DGKB: variants seen among roughly 807,000 people sequenced by gnomAD.
DGKB encodes the protein diacylglycerol kinase beta, also known as 90 kDa diacylglycerol kinase.
In DGKB, 67 loss-of-function variants were observed where a neutral mutation model predicts 114.3. The observed-to-expected ratio is 0.59, with a 90% CI of 0.48 to 0.72. The LOEUF is 0.72. Among genes scored for constraint, DGKB ranks in the 30% least tolerant of loss-of-function variants. DGKB has a pLI of 0.00. For missense variants in DGKB, 907 were observed against 975.2 expected, an observed-to-expected ratio of 0.93 and a Z score of 0.93; for synonymous variants, 398 against 323.1, an observed-to-expected ratio of 1.23 and a Z score of -2.49.
chr7:14,215,639 G>A (rs962235742), intron 23 of DGKB, among the ~76,000 whole-genome samples: 1 of 152,028 alleles, frequency 6.6e-6, no homozygotes, highest in African/African-American at 2.4e-5. Context: ...TTGCCGATGA[G>A]GAAACCGAGA....
At chr7:14,315,921 A>G (rs1198482490) in intron 23 of DGKB, among the ~76,000 whole-genome samples, 3 of 148,752 alleles carry the variant, frequency 2.0e-5, no homozygotes, top group African/African-American at 5.0e-5. Context: ...AACAGAAATT[A>G]TAACAAACTG....
intron 6 of DGKB, among the ~76,000 whole-genome samples, chr7:14,705,275 A>T (rs1294546715): frequency 6.6e-6 from 1 of 150,804 alleles, no homozygotes; most frequent in Non-Finnish European, 1.5e-5. Context: ...AGAAAAAAGA[A>T]TAAAAAGAAA....
At chr7:14,675,642 G>A (rs1031831577) in intron 12 of DGKB, among the ~76,000 whole-genome samples, 3 of 151,596 alleles carry the variant, frequency 2.0e-5, no homozygotes, top group Admixed American at 1.3e-4. Flanking sequence ...TTTGATTGCC[G>A]CTGTGGTCCT....
At chr7:14,525,736 T>C (rs1294318187) in intron 20 of DGKB, among the ~76,000 whole-genome samples, 1 of 152,130 alleles carries the variant, frequency 6.6e-6, no homozygotes, top group African/African-American at 2.4e-5. Flanking sequence ...AAAGTAAAAG[T>C]TTTATTTGTG....
At chr7:14,848,306 T>C (rs935431649) in intron 1 of DGKB, among the ~76,000 whole-genome samples, 5 of 152,210 alleles carry the variant, frequency 3.3e-5, no homozygotes, top group African/African-American at 1.2e-4. Flanking sequence ...ATGACTCCTG[T>C]ATTTTGGCTT....
intron 23 of DGKB, among the ~76,000 whole-genome samples, chr7:14,206,153 T>G (rs1048633412): frequency 6.6e-6 from 1 of 152,054 alleles, no homozygotes; most frequent in South Asian, 2.1e-4. Flanking sequence ...CAGTCTATAC[T>G]AAGAAAGACT....
chr7:14,262,861 T>C (rs530948946), intron 23 of DGKB, among the ~76,000 whole-genome samples: 1 of 152,184 alleles, frequency 6.6e-6, no homozygotes, highest in East Asian at 1.9e-4. Flanking sequence ...ACAAGGGTCA[T>C]TGCCCAGGGA....
intron 21 of DGKB, among the ~76,000 whole-genome samples, chr7:14,376,083 G>C (rs1818439134): frequency 6.6e-6 from 1 of 152,298 alleles, no homozygotes; most frequent in South Asian, 2.1e-4. Flanking sequence ...AAAGAGACTA[G>C]AAGTGACTCT....
intron 17 of DGKB, among the ~76,000 whole-genome samples, chr7:14,601,367 G>T (rs1023290095): frequency 4.6e-5 from 7 of 151,422 alleles, no homozygotes; most frequent in African/African-American, 1.7e-4. Context: ...CAGCCTTGAA[G>T]ATCTCTGAAA....
chr7:14,275,835 T>C (rs989363623), intron 23 of DGKB, among the ~76,000 whole-genome samples: 66 of 152,338 alleles, frequency 4.3e-4, no homozygotes, highest in African/African-American at 1.5e-3. Context: ...AGGCCAAATT[T>C]TGGCACAATG....
chr7:14,434,318 G>T lies in DGKB; in HGVS notation c.1835+43843C>A, dbSNP rs73280322. Among the ~76,000 whole-genome samples, 257 of 152,218 alleles carry T rather than the reference G, an allele frequency of 1.7e-3. 1 individual carries two copies. The highest frequency in any genetic ancestry group is 5.7e-3 in the African/African-American group (238 of 41,548). On this transcript the variant is annotated intron_variant, in intron 21 of 25. Transcript: ENST00000402815. The stretch of plus-strand genomic sequence containing the variant: ...TAAATATGTTTCCCTATATAGTAAA[G>T]TGGGCTTTGAAGATGCGATTAAATT...
chr7:14,681,234 G>A (rs1044001913), intron 12 of DGKB, among the ~76,000 whole-genome samples: 3 of 151,976 alleles, frequency 2.0e-5, no homozygotes, highest in African/African-American at 7.2e-5. Context: ...ATCATCGTTA[G>A]ACATTTTATT....
intron 25 of DGKB, 34 bp from the exon 26 acceptor site, chr7:14,149,272 A>ATT: frequency 6.7e-7 from 1 of 1,488,828 alleles, no homozygotes; most frequent in South Asian, 1.1e-5. Context: ...GAGAGAAAGA[A>ATT]TAGAGTAATC....
chr7:14,663,142 G>C (rs1364841133), intron 13 of DGKB, among the ~76,000 whole-genome samples: 2 of 151,988 alleles, frequency 1.3e-5, no homozygotes, highest in East Asian at 3.9e-4. Flanking sequence ...TATACTGCCA[G>C]AGTTCTAAGG....
chr7:14,872,166 T>C (rs1188053160), intron 1 of DGKB, among the ~76,000 whole-genome samples: 4 of 152,218 alleles, frequency 2.6e-5, no homozygotes, highest in Non-Finnish European at 4.4e-5. Flanking sequence ...CATATATTAA[T>C]CTGTTCATAT....
At chr7:14,159,295 G>A (rs1277178648) in intron 25 of DGKB, among the ~76,000 whole-genome samples, 1 of 151,824 alleles carries the variant, frequency 6.6e-6, no homozygotes, top group African/African-American at 2.4e-5. Flanking sequence ...CTCTCTTTGG[G>A]GCCTAGTTAT....
intron 20 of DGKB, among the ~76,000 whole-genome samples, chr7:14,536,931 C>T (rs986221890): frequency 2.0e-5 from 3 of 151,514 alleles, no homozygotes; most frequent in Admixed American, 6.6e-5. Flanking sequence ...ACTGTAAAAA[C>T]CTCAAAACTG....
intron 21 of DGKB, among the ~76,000 whole-genome samples, chr7:14,357,152 G>A (rs1445411325): frequency 6.6e-6 from 1 of 152,166 alleles, no homozygotes; most frequent in African/African-American, 2.4e-5. Flanking sequence ...GGATATCCTT[G>A]TTAACCTTCT....
At chr7:14,846,117 A>G (rs1848593826) in intron 1 of DGKB, among the ~76,000 whole-genome samples, 1 of 152,218 alleles carries the variant, frequency 6.6e-6, no homozygotes, top group Non-Finnish European at 1.5e-5. Context: ...TAACAAGGAC[A>G]GCTTCTCTGG....
Sources: gnomAD v4.1 joint callset for allele counts (sites outside exome capture counted in the v4.1 genomes callset) on GRCh38, gnomAD v4.1.1 for gene constraint, MANE v1.5 for transcripts, NCBI Gene and HGNC (gene_info 2026-07-23, HGNC 2026-07-21) for gene names.